TRIM2: variants seen among roughly 807,000 people sequenced by gnomAD.
TRIM2 encodes the protein tripartite motif containing 2.
TRIM2 carries 20 observed loss-of-function variants against 75.2 expected under a neutral mutation model. The ratio of observed to expected loss-of-function variants is 0.27; its 90% CI spans 0.19 to 0.39. The LOEUF (loss-of-function observed/expected upper bound fraction) is 0.39, where lower values mean the gene tolerates loss of function less well. Ranked by LOEUF, TRIM2 falls within the 10% of genes least tolerant of loss-of-function variation. TRIM2 has a pLI of 1.00. For synonymous variants in TRIM2, 373 were observed against 388.3 expected, an observed-to-expected ratio of 0.96 and a Z score of 0.46; for missense variants, 660 against 990.8, an observed-to-expected ratio of 0.67 and a Z score of 4.48.
rs1344382894 is a variant in TRIM2, at chr4:153,276,040, A to C, written c.363A>C (p.Pro121=). 2 of 1,614,122 alleles carry C rather than the reference A, an allele frequency of 1.2e-6. No individual in the cohort carries two copies. Among genetic ancestry groups the C allele is most frequent in the Non-Finnish European group, 1.7e-6 (2 of 1,180,056 alleles). The stretch of plus-strand genomic sequence containing the variant: ...TGATGGACGTGCTGCAGCGAACTCC[A>C]GGCAGCAACGCTGAGGAGTCTTCCA... ...TNLMDVLQRT[P]GSNAEESSIL... Residue 121 remains proline, a synonymous_variant, in exon 3 of 12, where the codon CCA becomes CCC. Coordinates refer to ENST00000338700, the MANE Select transcript of TRIM2 (RefSeq NM_015271.5).
Position 153,204,519 on chromosome 4 carries a change from C to CA in TRIM2, c.-12_-11insA. 1 of 1,551,726 alleles carries CA rather than the reference C, an allele frequency of 6.4e-7. No individual in the cohort carries two copies. The highest frequency in any genetic ancestry group is 8.7e-7 in the Non-Finnish European group (1 of 1,147,010). On this transcript the variant is annotated 5_prime_UTR_variant, in exon 1 of 12. Transcript: ENST00000338700. ...AAGTCCCCAGATTGGAGGAGGCTGG[C>CA]TCTGGTCTTCGATGCACAGGAGTGG...
intron 1 of TRIM2, among the ~76,000 whole-genome samples, chr4:153,260,428 C>T (rs556963516): frequency 6.6e-6 from 1 of 152,064 alleles, no homozygotes; most frequent in South Asian, 2.1e-4. Flanking sequence ...GAGGCAATGG[C>T]CTTCTTTATA....
At chr4:153,309,071 G>A (rs1765665934) in intron 6 of TRIM2, among the ~76,000 whole-genome samples, 2 of 152,300 alleles carry the variant, frequency 1.3e-5, no homozygotes, top group Non-Finnish European at 1.5e-5. Flanking sequence ...CAGGACAGAT[G>A]TTGCTCCTGC....
chr4:153,315,444 C>A (rs1177028258), intron 6 of TRIM2, 41 bp from the exon 7 acceptor site: 3 of 1,480,276 alleles, frequency 2.0e-6, no homozygotes, highest in East Asian at 4.6e-5. Context: ...GAAATCTAAC[C>A]CTTTAGTGCT....
chr4:153,191,026 G>A (rs1344157158), intron 1 of TRIM2, among the ~76,000 whole-genome samples: 4 of 152,072 alleles, frequency 2.6e-5, no homozygotes, highest in African/African-American at 4.8e-5. Context: ...GTGAGCCACC[G>A]CGCCCAGCCT....
chr4:153,319,165 T>C (rs1768359903), intron 8 of TRIM2, among the ~76,000 whole-genome samples: 1 of 152,220 alleles, frequency 6.6e-6, no homozygotes, highest in Non-Finnish European at 1.5e-5. Context: ...TTATTCCTAG[T>C]AGTTCCAGAG....
chr4:153,210,126 G>A (rs563987647), intron 1 of TRIM2, among the ~76,000 whole-genome samples: 19 of 146,894 alleles, frequency 1.3e-4, no homozygotes, highest in Non-Finnish European at 2.2e-4. Flanking sequence ...GAGCAGTGGC[G>A]AGATCTCGGC....
At chr4:153,330,729 A>T (rs1048916255) in intron 11 of TRIM2, among the ~76,000 whole-genome samples, 2 of 152,244 alleles carry the variant, frequency 1.3e-5, no homozygotes, top group African/African-American at 4.8e-5. Context: ...GATAAACAAC[A>T]TCTATGAAAA....
Position 153,337,436 on chromosome 4 carries a change from TA to T in TRIM2, c.*2471del. ...ATTGGCACAAACTGGAATGAAAGAA[TA>T]GTTTGATTCAGACCTGCTCCACTAT... On this transcript the variant is annotated 3_prime_UTR_variant, in exon 12 of 12. Coordinates refer to ENST00000338700, the MANE Select transcript of TRIM2 (RefSeq NM_015271.5). 1.0e-6 allele frequency: 1 copy of T among 985,884 alleles called. No homozygotes were observed. The highest frequency in any genetic ancestry group is 1.2e-6 in the Non-Finnish European group (1 of 829,926). The allele number at this position is 985,884 out of a possible 1,614,324, so 61.1% of individuals were successfully genotyped here.
chr4:153,201,808 T>C (rs1324662913), upstream of TRIM2, among the ~76,000 whole-genome samples: 1 of 152,224 alleles, frequency 6.6e-6, no homozygotes, highest in Non-Finnish European at 1.5e-5. Context: ...GACAGGATCC[T>C]AACACTTGTG....
chr4:153,280,241 T>C, intron 3 of TRIM2, among the ~76,000 whole-genome samples: 1 of 152,100 alleles, frequency 6.6e-6, no homozygotes, highest in Non-Finnish European at 1.5e-5. Flanking sequence ...TAGGAAAAGC[T>C]AGAAAGGTCT....
chr4:153,307,026 T>C (rs906676667), intron 6 of TRIM2, among the ~76,000 whole-genome samples: 7 of 152,260 alleles, frequency 4.6e-5, no homozygotes, highest in Non-Finnish European at 8.8e-5. Flanking sequence ...ATGCTTCTAA[T>C]ACTTGAAAAC....
intron 1 of TRIM2, among the ~76,000 whole-genome samples, chr4:153,170,264 T>C (rs1338064534): frequency 6.6e-6 from 1 of 152,222 alleles, no homozygotes; most frequent in Non-Finnish European, 1.5e-5. Context: ...TTAATCTACA[T>C]TGACAAATTA....
At chr4:153,323,471 GTTGTTTTGTT>G (rs370045243) in intron 9 of TRIM2, among the ~76,000 whole-genome samples, 8 of 152,198 alleles carry the variant, frequency 5.3e-5, no homozygotes, top group South Asian at 4.1e-4. Flanking sequence ...TGGGTTTTCT[GTTGTTTTGTT>G]TTGTTTTGTT....
At chr4:153,155,139 CA>C (rs200651439) in intron 1 of TRIM2, among the ~76,000 whole-genome samples, 4 of 149,902 alleles carry the variant, frequency 2.7e-5, no homozygotes, top group Non-Finnish European at 4.4e-5. Flanking sequence ...GACTCCGTCT[CA>C]AAAAAAAAGA....
chr4:153,171,523 T>G (rs1730847753), intron 1 of TRIM2, among the ~76,000 whole-genome samples: 3 of 152,094 alleles, frequency 2.0e-5, no homozygotes, highest in African/African-American at 4.8e-5. Context: ...GAGGCAGAGT[T>G]TGCAGTGAGC....
rs1295523570 is a variant in TRIM2, at chr4:153,308,520, C to T, written c.1511-6965C>T. ...CTGACTTAAGTGCTGATACAAGTTC[C>T]TTTTTGGTCCTTCTCTGGTAGGTGA... On this transcript the variant is annotated intron_variant, in intron 6 of 11. Coordinates refer to ENST00000338700, the MANE Select transcript of TRIM2 (RefSeq NM_015271.5). 49 of 750,364 alleles carry T rather than the reference C, an allele frequency of 6.5e-5. No individual in the cohort carries two copies. The Admixed American group carries it at 8.6e-4, about 13-fold the overall frequency. 46.5% of individuals were successfully genotyped at this position (750,364 alleles called of 1,614,324 possible).
At chr4:153,270,654 A>C in intron 2 of TRIM2, 135 bp downstream of exon 2, 1 of 760,376 alleles carries the variant, frequency 1.3e-6, no homozygotes, top group Non-Finnish European at 2.0e-6. Context: ...AGACATTGAA[A>C]AACAGAATCA....
intron 11 of TRIM2, among the ~76,000 whole-genome samples, chr4:153,330,975 G>C (rs1771345998): frequency 6.6e-6 from 1 of 152,178 alleles, no homozygotes; most frequent in Non-Finnish European, 1.5e-5. Context: ...TATAAAAACA[G>C]TTCCTAGAAT....
Sources: allele counts gnomAD v4.1 joint callset (sites outside exome capture counted in the v4.1 genomes callset), GRCh38; gene constraint gnomAD v4.1.1; transcripts MANE v1.5; gene names NCBI Gene and HGNC (gene_info 2026-07-23, HGNC 2026-07-21).